KXD1: variants seen among roughly 807,000 people sequenced by gnomAD.
KXD1 encodes the protein kxDL motif-containing protein 1.
Under a neutral mutation model 12.1 loss-of-function variants are expected in KXD1, and 5 were observed. The ratio of observed to expected loss-of-function variants is 0.41; its 90% CI spans 0.22 to 0.87. The LOEUF is 0.87. KXD1 is among the 40% of genes least tolerant of loss of function. The pLI is 0.31. For missense variants in KXD1, 193 were observed against 244.9 expected (o/e 0.79, Z 1.41); for synonymous variants, 98 against 100.5 (o/e 0.98, Z 0.15).
At chr19:18,564,835 G>A (rs1237731601) in intron 2 of KXD1, 34 bp from the exon 3 acceptor site, 4 of 1,611,108 alleles carry the variant, frequency 2.5e-6, no homozygotes, top group Non-Finnish European at 3.4e-6. Flanking sequence ...CCTGAAGCTG[G>A]GCAGTGAAGC....
intron 2 of KXD1, 69 bp downstream of exon 2, chr19:18,562,226 C>A: frequency 4.2e-6 from 5 of 1,192,230 alleles, no homozygotes; most frequent in Non-Finnish European, 4.8e-6. Context: ...TTGTCTTGCC[C>A]GCCCCTACCC....
At position 18,561,962 on chromosome 19, in the gene KXD1, C is replaced by T. The variant is rs117135430; in HGVS notation, c.-21-74C>T. ...GGTTGGGTTAGGTTCCAGCACATGG[C>T]GGTCCCGGCCTGGCCTCTTGGTCCC... On this transcript the variant is annotated intron_variant, in intron 1 of 4. Coordinates refer to ENST00000222307, the MANE Select transcript of KXD1 (RefSeq NM_024069.4). 2,690 of 919,446 alleles carry T rather than the reference C, an allele frequency of 2.9e-3. 9 individuals are homozygous for T. The highest frequency in any genetic ancestry group is 2.8e-3 in the Non-Finnish European group (1,695 of 615,886). 57.0% of individuals were successfully genotyped at this position (919,446 alleles called of 1,614,324 possible).
At chr19:18,567,605 G>A (rs1256173018) in intron 4 of KXD1, among the ~76,000 whole-genome samples, 1 of 152,182 alleles carries the variant, frequency 6.6e-6, no homozygotes, top group Non-Finnish European at 1.5e-5. Flanking sequence ...CCGTTTCATG[G>A]AGAGGGAAAC....
rs144111963 is a variant in KXD1, at chr19:18,567,207, G to C, written c.301+29G>C. The stretch of plus-strand genomic sequence containing the variant: ...AGTGTCACGCAGGGTTCCTGCTCCC[G>C]AGCACGTCAGCACTCTCCACCCAGG... On this transcript the variant is annotated intron_variant, in intron 4 of 4. Transcript: ENST00000222307. 5.7e-5 allele frequency: 92 copies of C among 1,612,006 alleles called. 1 individual carries two copies. In the South Asian group the frequency reaches 9.7e-4, roughly 17 times the overall value.
intron 2 of KXD1, among the ~76,000 whole-genome samples, chr19:18,562,547 G>A (rs1454218217): frequency 1.3e-5 from 2 of 152,170 alleles, no homozygotes; most frequent in East Asian, 1.9e-4. Flanking sequence ...TGCAACCTCC[G>A]CCTCCCGAGT....
At chr19:18,563,786 G>A (rs1211199431) in intron 2 of KXD1, among the ~76,000 whole-genome samples, 1 of 152,148 alleles carries the variant, frequency 6.6e-6, no homozygotes, top group African/African-American at 2.4e-5. Context: ...ACAGGTGTGA[G>A]CCACCGTGCC....
intron 4 of KXD1, 128 bp from the exon 5 acceptor site, chr19:18,568,265 CAAAAAAAAA>C: frequency 2.0e-6 from 1 of 498,658 alleles, no homozygotes; most frequent in Non-Finnish European, 3.4e-6. Context: ...AACTCCGTCT[CAAAAAAAAA>C]AAAAAAAAAG....
At position 18,565,516 on chromosome 19, in the gene KXD1, G is replaced by A. The variant is rs184000913; in HGVS notation, c.254+495G>A. On this transcript the variant is annotated intron_variant, in intron 3 of 4. Coordinates refer to ENST00000222307, the MANE Select transcript of KXD1 (RefSeq NM_024069.4). ...CAAAGTGCTGGGATTACAGGCGTGAGCCACTGCGCCCGGCCGAGACAGAGT... is the reference window on the plus strand; with the variant it reads ...CAAAGTGCTGGGATTACAGGCGTGAACCACTGCGCCCGGCCGAGACAGAGT... 4.6e-5 allele frequency among the ~76,000 whole-genome samples: 7 copies of A among 152,062 alleles called. No individual in the cohort carries two copies. In the East Asian group the frequency reaches 1.4e-3, roughly 29 times the overall value.
At chr19:18,559,405 G>A (rs1974837693) in intron 1 of KXD1, 1 of 152,146 alleles carries the variant, frequency 6.6e-6, no homozygotes, top group South Asian at 2.1e-4. Context: ...GTTTTGCTGG[G>A]TGTGGCACCT....
chr19:18,565,032 A>C lies in KXD1; in HGVS notation c.254+11A>C, dbSNP rs1270843301. 1 of 1,541,984 alleles carries C rather than the reference A, an allele frequency of 6.5e-7. No homozygotes were observed. The highest frequency in any genetic ancestry group is 8.6e-7 in the Non-Finnish European group (1 of 1,157,112). On this transcript the variant is annotated intron_variant, in intron 3 of 4. Transcript: ENST00000222307. ...CTTCCGCCGTATCAGGTGGGTGCTCAGTGCCACCCCAGCCCAGCTGACCTC... is the reference window on the plus strand; with the variant it reads ...CTTCCGCCGTATCAGGTGGGTGCTCCGTGCCACCCCAGCCCAGCTGACCTC...
chr19:18,564,809 C>G, intron 2 of KXD1, 60 bp from the exon 3 acceptor site: 2 of 1,592,840 alleles, frequency 1.3e-6, no homozygotes, highest in South Asian at 2.2e-5. Context: ...GTCTTCTGGG[C>G]CAGGTTGGGC....
In KXD1 at chr19:18,568,647, C is replaced by T; in HGVS notation, c.*16C>T. Reference sequence around the variant, plus strand: ...GGGCGAATAGCCCTGCTGCCCGGTGCCTTGAGGGGGTCTCAGGGCAGCAGC... The same window carrying T: ...GGGCGAATAGCCCTGCTGCCCGGTGTCTTGAGGGGGTCTCAGGGCAGCAGC... On this transcript the variant is annotated 3_prime_UTR_variant, in exon 5 of 5. Transcript: ENST00000222307. The T allele has an allele frequency of 1.3e-6, 2 of 1,587,332 alleles. No homozygotes were observed. Among genetic ancestry groups the T allele is most frequent in the African/African-American group, 1.3e-5 (1 of 74,708 alleles).
At chr19:18,563,701 A>T (rs1975048244) in intron 2 of KXD1, among the ~76,000 whole-genome samples, 1 of 151,914 alleles carries the variant, frequency 6.6e-6, no homozygotes, top group Non-Finnish European at 1.5e-5. Context: ...ACGGGGTTTC[A>T]CCACGTTGAC....
intron 2 of KXD1, among the ~76,000 whole-genome samples, chr19:18,562,554 G>A (rs938038812): frequency 6.6e-6 from 1 of 152,194 alleles, no homozygotes; most frequent in Non-Finnish European, 1.5e-5. Context: ...TCCGCCTCCC[G>A]AGTTCAAGCG....
intron 1 of KXD1, chr19:18,558,691 C>T (rs974469361): frequency 6.6e-6 from 1 of 152,170 alleles, no homozygotes; most frequent in African/African-American, 2.4e-5. Context: ...GGTCAAACAG[C>T]CTACCTCTCT....
Position 18,567,134 on chromosome 19 carries a change from C to G in KXD1, c.257C>G (p.Thr86Arg), listed in dbSNP as rs778930671. ...TGTGTGCCTTCTCTCCCCTGCAGGA[C>G]GCTGAAAGGGAAACTGGCCAGGCAG... ...DLDSIFRRIR[T>R]LKGKLARQHP... Residue 86 changes from threonine (T) to arginine (R), a missense_variant and splice_region_variant, in exon 4 of 5, where the codon ACG becomes AGG. By Grantham distance (71) the Thr-to-Arg change is moderately conservative. Coordinates refer to ENST00000222307, the MANE Select transcript of KXD1 (RefSeq NM_024069.4). The G allele has an allele frequency of 6.8e-6, 11 of 1,614,070 alleles. No individual in the cohort carries two copies. In the East Asian group the frequency reaches 2.2e-4, roughly 33 times the overall value.
intron 1 of KXD1, chr19:18,559,765 A>G (rs1220310796): frequency 6.6e-6 from 1 of 152,168 alleles, no homozygotes; most frequent in Non-Finnish European, 1.5e-5. Context: ...TTTCTCATCT[A>G]TAAATAAGAA....
chr19:18,565,849 A>C (rs954103989), intron 3 of KXD1, among the ~76,000 whole-genome samples: 7 of 152,052 alleles, frequency 4.6e-5, no homozygotes, highest in African/African-American at 1.7e-4. Context: ...TGCCACGCCC[A>C]GCTGATTTTT....
intron 3 of KXD1, 36 bp downstream of exon 3, chr19:18,565,057 C>T: frequency 6.3e-7 from 1 of 1,591,330 alleles, no homozygotes; most frequent in East Asian, 2.2e-5. Flanking sequence ...CAGCTGACCT[C>T]TGCCTCCACC....
Sources: allele counts gnomAD v4.1 joint callset (sites outside exome capture counted in the v4.1 genomes callset), GRCh38; gene constraint gnomAD v4.1.1; transcripts MANE v1.5; gene names NCBI Gene and HGNC (gene_info 2026-07-23, HGNC 2026-07-21).